Variants in KANK1 observed in about 807,000 individuals in gnomAD.
KANK1 encodes the protein KN motif and ankyrin repeat domains 1, also known as KN motif and ankyrin repeat domain-containing protein 1.
A neutral mutation model predicts 106.2 loss-of-function variants in KANK1; 109 were observed. The observed-to-expected ratio is 1.03, with a 90% confidence interval of 0.88 to 1.20. The LOEUF is 1.20. Among genes scored for constraint, KANK1 ranks in the 50% most tolerant of loss-of-function variants. The pLI is 0.00. For missense variants in KANK1, 2,399 were observed against 1,710.7 expected (o/e 1.40, Z -7.10); for synonymous variants, 873 against 652.2 (o/e 1.34, Z -5.16).
At chr9:706,966 A>C (rs1274135012) in intron 2 of KANK1, 1 of 985,370 alleles carries the variant, frequency 1.0e-6, no homozygotes, top group Non-Finnish European at 1.2e-6. Context: ...GGGAGTGAAG[A>C]ACACACATTT....
intron 1 of KANK1, among the ~76,000 whole-genome samples, chr9:640,008 CA>C (rs1458153039): frequency 6.6e-6 from 1 of 152,128 alleles, no homozygotes; most frequent in Non-Finnish European, 1.5e-5. Context: ...GGTTGGGTTT[CA>C]AAATGTAAAT....
At chr9:688,645 A>G (rs951719134) in intron 2 of KANK1, among the ~76,000 whole-genome samples, 9 of 151,754 alleles carry the variant, frequency 5.9e-5, no homozygotes, top group African/African-American at 1.9e-4. Flanking sequence ...TTGTCTGTTA[A>G]GTGCCTTGGG....
chr9:703,694 G>C (rs1035465055), intron 2 of KANK1, among the ~76,000 whole-genome samples: 13 of 151,864 alleles, frequency 8.6e-5, no homozygotes, highest in Admixed American at 3.3e-4. Flanking sequence ...TTATAACCCA[G>C]GTAGATTTTT....
At position 742,231 on chromosome 9, in the gene KANK1, G is replaced by C. The variant is rs376387512; in HGVS notation, c.3723G>C (p.Ala1241=). 31 of 1,614,090 alleles carry C rather than the reference G, an allele frequency of 1.9e-5. No individual in the cohort carries two copies. The South Asian group carries it at 2.4e-4, about 13-fold the overall frequency. ...SQAGQTALML[A]VSHGRIDMVK... Reference sequence around the variant, plus strand: ...CGGGACAGACGGCCCTCATGCTGGCGGTCAGTCACGGACGGATAGACATGG... The same window carrying C: ...CGGGACAGACGGCCCTCATGCTGGCCGTCAGTCACGGACGGATAGACATGG... The change falls in exon 10 of 12, where the codon GCG becomes GCC. Residue 1241 remains alanine, a synonymous_variant. Coordinates refer to ENST00000382297, the MANE Select transcript of KANK1 (RefSeq NM_015158.5).
At chr9:516,399 C>T (rs1385934744) in intron 1 of KANK1, among the ~76,000 whole-genome samples, 3 of 151,668 alleles carry the variant, frequency 2.0e-5, no homozygotes, top group African/African-American at 4.9e-5. Context: ...TGGCATGAAA[C>T]AGTTGGGAGA....
intron 3 of KANK1, among the ~76,000 whole-genome samples, chr9:718,839 T>G (rs908616918): frequency 6.6e-6 from 1 of 152,164 alleles, no homozygotes; most frequent in African/African-American, 2.4e-5. Context: ...AGCTACATGC[T>G]TTTCCTCACA....
chr9:480,771 G>C (rs2058189685), intron 3 of KANK1, among the ~76,000 whole-genome samples: 1 of 152,184 alleles, frequency 6.6e-6, no homozygotes, highest in African/African-American at 2.4e-5. Context: ...CTCCACATTT[G>C]GAAAGCTGAA....
intron 2 of KANK1, among the ~76,000 whole-genome samples, chr9:703,161 T>G (rs1485072268): frequency 2.0e-5 from 3 of 152,068 alleles, no homozygotes; most frequent in Non-Finnish European, 2.9e-5. Context: ...CCAGCTAATT[T>G]TTGTATTTTC....
chr9:633,511 C>G (rs1221279433), intron 1 of KANK1, among the ~76,000 whole-genome samples: 1 of 152,152 alleles, frequency 6.6e-6, no homozygotes, highest in African/African-American at 2.4e-5. Context: ...ATTCAAGTTA[C>G]TTCCAACAGT....
chr9:669,090 T>C (rs1845326203), intron 1 of KANK1, among the ~76,000 whole-genome samples: 1 of 152,190 alleles, frequency 6.6e-6, no homozygotes, highest in African/African-American at 2.4e-5. Context: ...CCCTCCATCT[T>C]TAATTCCATC....
chr9:590,341 C>T (rs2135526097), intron 1 of KANK1, among the ~76,000 whole-genome samples: 1 of 152,220 alleles, frequency 6.6e-6, no homozygotes, highest in South Asian at 2.1e-4. Context: ...TTGGACTAGG[C>T]AGGTGCTCCC....
chr9:521,780 C>G (rs553678939), intron 1 of KANK1, among the ~76,000 whole-genome samples: 1 of 151,560 alleles, frequency 6.6e-6, no homozygotes, highest in Non-Finnish European at 1.5e-5. Flanking sequence ...GGTGGCCAGG[C>G]TGGTCTCGAA....
intron 1 of KANK1, among the ~76,000 whole-genome samples, chr9:560,112 C>A (rs779320173): frequency 5.3e-5 from 8 of 152,116 alleles, no homozygotes; most frequent in Non-Finnish European, 1.2e-4. Flanking sequence ...TTTGTGGTTA[C>A]CTGGGAAAGC....
At chr9:562,665 A>G (rs1816798181) in intron 1 of KANK1, among the ~76,000 whole-genome samples, 1 of 152,194 alleles carries the variant, frequency 6.6e-6, no homozygotes, top group Non-Finnish European at 1.5e-5. Context: ...ATTTCCTGAG[A>G]TGATATATTG....
At chr9:735,747 A>G (rs1440270473) in intron 7 of KANK1, 2 of 439,416 alleles carry the variant, frequency 4.6e-6, no homozygotes, top group African/African-American at 2.0e-5. Flanking sequence ...TGATCCCAAC[A>G]CTTCGGGAGG....
At chr9:640,987 C>T (rs746896335) in intron 1 of KANK1, among the ~76,000 whole-genome samples, 33 of 152,188 alleles carry the variant, frequency 2.2e-4, no homozygotes, top group African/African-American at 4.8e-4. Flanking sequence ...TGAGCCACCG[C>T]GCCTGGCCAC....
At chr9:681,874 C>A (rs1271568571) in intron 2 of KANK1, among the ~76,000 whole-genome samples, 1 of 152,116 alleles carries the variant, frequency 6.6e-6, no homozygotes, top group East Asian at 1.9e-4. Context: ...AGTTGCCTTC[C>A]CCAATTGATT....
At chr9:684,572 G>A (rs1022678298) in intron 2 of KANK1, 5 of 985,394 alleles carry the variant, frequency 5.1e-6, no homozygotes, top group Middle Eastern at 5.2e-4. Flanking sequence ...CAGACTTCTC[G>A]TTGTGAGTAT....
intron 1 of KANK1, among the ~76,000 whole-genome samples, chr9:594,602 G>T (rs1475220405): frequency 6.6e-6 from 1 of 151,804 alleles, no homozygotes; most frequent in Non-Finnish European, 1.5e-5. Flanking sequence ...GTGTGAGATT[G>T]TTTATATTTT....
Sources: gnomAD v4.1 joint callset for allele counts (sites outside exome capture counted in the v4.1 genomes callset) on GRCh38, gnomAD v4.1.1 for gene constraint, MANE v1.5 for transcripts, NCBI Gene and HGNC (gene_info 2026-07-23, HGNC 2026-07-21) for gene names.